AP1S2: variants seen among roughly 807,000 people sequenced by gnomAD.
AP1S2 encodes the protein adaptor related protein complex 1 subunit sigma 2.
Under a neutral mutation model 14.3 loss-of-function variants are expected in AP1S2, and 1 was observed. That is an observed-to-expected ratio of 0.07 (90% CI 0.02 to 0.33). AP1S2 has a LOEUF of 0.33. AP1S2 is among the 10% of genes least tolerant of loss of function. AP1S2 has a pLI of 0.99. For missense variants in AP1S2, 30 were observed against 117.7 expected (o/e 0.25, Z 3.45); for synonymous variants, 30 against 40.5 (o/e 0.74, Z 0.99).
chrX:15,829,924 TAA>T (rs1933378363), intron 4 of AP1S2: 1 of 171,911 alleles, frequency 5.8e-6, no homozygotes, highest in Middle Eastern at 3.3e-3. Context: ...ACTGTACACT[TAA>T]AACTGCGTAA....
Position 15,854,737 on chromosome X carries a change from G to A in AP1S2, c.-50C>T. The A allele has an allele frequency of 2.5e-6, 2 of 801,956 alleles. No homozygotes were observed. Among genetic ancestry groups the A allele is most frequent in the Admixed American group, 7.4e-5 (1 of 13,484 alleles). The allele number at this position is 801,956 out of a possible 1,213,427, so 66.1% of individuals were successfully genotyped here. The stretch of plus-strand genomic sequence containing the variant: ...CGGAGCTTGGCCGGCGGCGGCGGCG[G>A]CGGCGAAGGGGAAGCCCCTGTCGCC... On this transcript the variant is annotated 5_prime_UTR_variant, in exon 1 of 6. Coordinates refer to ENST00000672987, the MANE Select transcript of AP1S2 (RefSeq NM_001272071.2).
chrX:15,834,571 G>A (rs1933566029), intron 4 of AP1S2, among the ~76,000 whole-genome samples: 1 of 94,178 alleles, frequency 1.1e-5, no homozygotes, highest in Admixed American at 1.2e-4. Flanking sequence ...CACCTCACGG[G>A]TTCAAGCGAT....
At chrX:15,829,955 ATG>A (rs1318318534) in intron 4 of AP1S2, 1 of 253,764 alleles carries the variant, frequency 3.9e-6, no homozygotes, top group Non-Finnish European at 5.5e-6. Flanking sequence ...ATTCTGTGTT[ATG>A]TGTTTTTAAC....
intron 4 of AP1S2, among the ~76,000 whole-genome samples, chrX:15,828,560 G>A (rs1331713279): frequency 9.0e-6 from 1 of 111,368 alleles, no homozygotes; most frequent in Admixed American, 9.6e-5. Context: ...TAATAAAAAT[G>A]GGTAAAAATC....
intron 2 of AP1S2, 59 bp downstream of exon 2, chrX:15,852,287 T>G: frequency 9.3e-7 from 1 of 1,073,861 alleles, no homozygotes; most frequent in Non-Finnish European, 1.3e-6. Context: ...AAGTCTGCAA[T>G]TTCCTAAATG....
At chrX:15,849,473 T>C (rs891257850) in intron 2 of AP1S2, among the ~76,000 whole-genome samples, 1 of 112,569 alleles carries the variant, frequency 8.9e-6, no homozygotes, top group African/African-American at 3.2e-5. Flanking sequence ...CAGTATGAAA[T>C]GGAAGGGGGA....
At chrX:15,846,340 A>G (rs1933999745) in intron 2 of AP1S2, among the ~76,000 whole-genome samples, 1 of 112,266 alleles carries the variant, frequency 8.9e-6, no homozygotes, top group African/African-American at 3.2e-5. Flanking sequence ...AACAAAATAT[A>G]TAGCAGATTA....
At position 15,852,941 on chromosome X, in the gene AP1S2, G is replaced by GCT. The variant is rs1934223298; in HGVS notation, c.1-419_1-418dup. The GCT allele has an allele frequency of 9.5e-6, 6 of 629,346 alleles. No homozygotes were observed. The South Asian group carries it at 5.0e-4, about 52-fold the overall frequency. 51.9% of individuals were successfully genotyped at this position (629,346 alleles called of 1,213,427 possible). ...TACTTTTGAAAGAAACAGAAGACCT[G>GCT]CTATTTTTCATCCTGAGGCCGTTCT... On this transcript the variant is annotated intron_variant, in intron 1 of 5. Transcript: ENST00000672987.
intron 2 of AP1S2, among the ~76,000 whole-genome samples, chrX:15,847,950 C>T (rs749178269): frequency 8.9e-6 from 1 of 111,755 alleles, no homozygotes; most frequent in East Asian, 2.8e-4. Context: ...CAAGCTAATG[C>T]TCGTACCATC....
At chrX:15,829,083 T>C (rs1933348637) in intron 4 of AP1S2, among the ~76,000 whole-genome samples, 1 of 111,049 alleles carries the variant, frequency 9.0e-6, no homozygotes, top group Admixed American at 9.6e-5. Flanking sequence ...CGGGGAGTGG[T>C]TGGGGAAACA....
At chrX:15,839,432 C>A (rs1273383894) in intron 4 of AP1S2, among the ~76,000 whole-genome samples, 1 of 111,338 alleles carries the variant, frequency 9.0e-6, no homozygotes, top group Non-Finnish European at 1.9e-5. Flanking sequence ...GTTGGACTAG[C>A]ATGCCCAAAT....
At chrX:15,829,879 A>C (rs1420836628) in intron 4 of AP1S2, among the ~76,000 whole-genome samples, 1 of 111,801 alleles carries the variant, frequency 8.9e-6, no homozygotes, top group Non-Finnish European at 1.9e-5. Flanking sequence ...GATCTGCTGC[A>C]CAACAATGTG....
At chrX:15,837,827 G>T (rs768611577) in intron 4 of AP1S2, among the ~76,000 whole-genome samples, 1 of 109,763 alleles carries the variant, frequency 9.1e-6, no homozygotes, top group East Asian at 2.9e-4. Context: ...GGTTGGTCTC[G>T]ATCTCCTGAC....
intron 1 of AP1S2, 108 bp downstream of exon 1, chrX:15,854,580 G>T: frequency 3.9e-6 from 1 of 256,059 alleles, no homozygotes; most frequent in Non-Finnish European, 5.4e-6. Flanking sequence ...GGCCGGGCAG[G>T]CTCGGGGTGG....
intron 4 of AP1S2, among the ~76,000 whole-genome samples, chrX:15,836,944 A>C (rs1933661475): frequency 9.0e-6 from 1 of 111,642 alleles, no homozygotes; most frequent in South Asian, 3.7e-4. Flanking sequence ...TAATTTGTTT[A>C]AGAGTGAGGG....
intron 4 of AP1S2, among the ~76,000 whole-genome samples, chrX:15,838,601 T>A (rs750603516): frequency 7.0e-4 from 76 of 109,026 alleles, no homozygotes; most frequent in African/African-American, 2.5e-3. Flanking sequence ...GGATCAGCAT[T>A]TAAGAAAAGA....
At chrX:15,854,002 G>C (rs181448056) in intron 1 of AP1S2, among the ~76,000 whole-genome samples, 1 of 111,965 alleles carries the variant, frequency 8.9e-6, no homozygotes, top group East Asian at 2.8e-4. Context: ...GCTCAAGGCT[G>C]TCTGGAGCAG....
At chrX:15,837,897 G>A (rs761573359) in intron 4 of AP1S2, among the ~76,000 whole-genome samples, 71 of 111,166 alleles carry the variant, frequency 6.4e-4, no homozygotes, top group Non-Finnish European at 1.1e-3. Flanking sequence ...GAGCCACCGC[G>A]CCTGGCCTAG....
At chrX:15,831,427 A>G in intron 4 of AP1S2, 5 of 682,783 alleles carry the variant, frequency 7.3e-6, no homozygotes, top group Non-Finnish European at 8.8e-6. Context: ...ATGTTCTACT[A>G]TTATTATACA....
Sources: allele counts gnomAD v4.1 joint callset (sites outside exome capture counted in the v4.1 genomes callset), GRCh38; gene constraint gnomAD v4.1.1; transcripts MANE v1.5; gene names NCBI Gene and HGNC (gene_info 2026-07-23, HGNC 2026-07-21).